The following GAA variants were observed in gnomAD, a reference collection of about 807,000 sequenced individuals.
GAA encodes lysosomal alpha-glucosidase.
In GAA, 88 loss-of-function variants were observed where a neutral mutation model predicts 103.9. The observed-to-expected ratio is 0.85, with a 90% CI of 0.71 to 1.01. The LOEUF (loss-of-function observed/expected upper bound fraction) is 1.01. Ranked by LOEUF, GAA falls within the 50% of genes least tolerant of loss-of-function variation. The probability of loss-of-function intolerance (pLI) is 0.00; values close to 1 mark genes in which losing one functional copy is unlikely to be tolerated. For missense variants in GAA, 1,350 were observed against 1,305.3 expected (o/e 1.03, Z -0.53); for synonymous variants, 572 against 563.1 (o/e 1.02, Z -0.22).
intron 2 of GAA, 49 bp from the exon 3 acceptor site, chr17:80,105,700 G>GA (rs1567826939): frequency 6.2e-7 from 1 of 1,605,972 alleles, no homozygotes; most frequent in African/African-American, 1.3e-5. Flanking sequence ...TTGTTCTCTG[G>GA]AGAGTAAGGT....
chr17:80,111,034 G>T lies in GAA; in HGVS notation c.1636+9G>T, dbSNP rs200302174. ...CCCACCCTACGTGCCTGGTCAGCTC[G>T]CCCCCCACCTACCCTGGGGACTTAA... On this transcript the variant is annotated intron_variant, in intron 11 of 19. Coordinates refer to ENST00000302262, the MANE Select transcript of GAA (RefSeq NM_000152.5). 1.2e-5 allele frequency: 19 copies of T among 1,612,636 alleles called. No homozygotes were observed. In the Admixed American group the frequency reaches 1.8e-4, roughly 16 times the overall value.
Position 80,113,031 on chromosome 17 carries a change from G to T in GAA, c.2040+4G>T. 6.2e-7 allele frequency: 1 copy of T among 1,608,302 alleles called. No homozygotes were observed. Among genetic ancestry groups the T allele is most frequent in the African/African-American group, 1.3e-5 (1 of 74,990 alleles). ...CCACAACAGCCTGCTCAGTCTGGTAGGGTGGGGGTGGCGGCATGGCAGGTG... is the reference window on the plus strand; with the variant it reads ...CCACAACAGCCTGCTCAGTCTGGTATGGTGGGGGTGGCGGCATGGCAGGTG... On this transcript the variant is annotated splice_donor_region_variant and intron_variant, in intron 14 of 19. Transcript: ENST00000302262.
intron 1 of GAA, among the ~76,000 whole-genome samples, chr17:80,102,996 T>C (rs889164273): frequency 1.3e-5 from 2 of 152,220 alleles, no homozygotes; most frequent in African/African-American, 4.8e-5. Context: ...ACACATTTAA[T>C]GTCAGAAGTG....
Position 80,105,863 on chromosome 17 carries a change from A to T in GAA, c.661A>T (p.Ile221Phe), listed in dbSNP as rs2039073140. The change falls in exon 3 of 20, where the codon ATC becomes TTC. Residue 221 changes from isoleucine to phenylalanine, a missense_variant. Physicochemically the swap from Ile to Phe is conservative, Grantham distance 21 (BLOSUM62 0). Coordinates refer to ENST00000302262, the MANE Select transcript of GAA (RefSeq NM_000152.5). Reference protein sequence around the residue: ...VEFSEEPFGVIVRRQLDGRVL... With the variant: ...VEFSEEPFGVFVRRQLDGRVL... ...GTTCTCCGAGGAGCCCTTCGGGGTG[A>T]TCGTGCGCCGGCAGCTGGACGGCCG... is the stretch of plus-strand genomic sequence containing the variant. 1 of 1,604,674 alleles carries T rather than the reference A, an allele frequency of 6.2e-7. No individual in the cohort carries two copies. The highest frequency in any genetic ancestry group is 8.5e-7 in the Non-Finnish European group (1 of 1,178,018).
intron 16 of GAA, 134 bp downstream of exon 16, chr17:80,117,243 C>T (rs369643126): frequency 3.2e-6 from 3 of 951,018 alleles, no homozygotes; most frequent in Non-Finnish European, 3.2e-6. Flanking sequence ...ATGTGCCAGG[C>T]CCCCACCCGG....
At chr17:80,117,556 G>C in intron 16 of GAA, 44 bp from the exon 17 acceptor site, 1 of 1,610,372 alleles carries the variant, frequency 6.2e-7, no homozygotes, top group Admixed American at 1.7e-5. Context: ...CAGCATGGGG[G>C]CCTCGGCACG....
intron 15 of GAA, among the ~76,000 whole-genome samples, chr17:80,113,882 G>C (rs2039305266): frequency 6.6e-6 from 1 of 151,890 alleles, no homozygotes; most frequent in African/African-American, 2.4e-5. Flanking sequence ...GCCGTGCATG[G>C]TGGTGGGCGC....
rs780928895 is a variant in GAA at position 80,108,699 on chromosome 17, CG to C, written c.1198del (p.Val400SerfsTer40). ...ACGGTCCCGTGTTGTGGCTGCAGGA[CG>C]TCCAGTGGAACGACCTGGACTACAT... is the stretch of plus-strand genomic sequence containing the variant. ...NMTRAHFPLDVQWNDLDYMDS... is the reference protein window; with the variant it reads ...NMTRAHFPLDXQWNDLDYMDS... On this transcript the variant is annotated frameshift_variant, in exon 8 of 20. Transcript: ENST00000302262. LOFTEE classifies it high-confidence loss of function. The C allele has an allele frequency of 1.9e-6, 3 of 1,612,704 alleles. No individual in the cohort carries two copies. Among genetic ancestry groups the C allele is most frequent in the Non-Finnish European group, 2.5e-6 (3 of 1,179,942 alleles).
At chr17:80,116,503 C>T (rs924591557) in intron 15 of GAA, among the ~76,000 whole-genome samples, 1 of 152,224 alleles carries the variant, frequency 6.6e-6, no homozygotes, top group Non-Finnish European at 1.5e-5. Context: ...GACGGAGAAT[C>T]CTCCGTAGAG....
chr17:80,117,480 G>T, intron 16 of GAA, 120 bp from the exon 17 acceptor site: 1 of 1,197,442 alleles, frequency 8.4e-7, no homozygotes, highest in Non-Finnish European at 1.2e-6. Flanking sequence ...AGTTCAGCCC[G>T]TCTGTGCCAG....
At chr17:80,115,538 C>A (rs758605878) in intron 15 of GAA, among the ~76,000 whole-genome samples, 4 of 152,160 alleles carry the variant, frequency 2.6e-5, no homozygotes, top group Non-Finnish European at 5.9e-5. Context: ...AAGTAGCTGA[C>A]GTAAACTCTT....
rs770668552 is a variant in GAA at position 80,108,441 on chromosome 17, C to A, written c.1075+32C>A. 10 of 1,613,114 alleles carry A rather than the reference C, an allele frequency of 6.2e-6. No individual in the cohort carries two copies. The Admixed American group carries it at 1.7e-4, about 27-fold the overall frequency. On this transcript the variant is annotated intron_variant, in intron 6 of 19. Coordinates refer to ENST00000302262, the MANE Select transcript of GAA (RefSeq NM_000152.5). ...CCTGCTCCCTGGCCGCGGCCCCCGC[C>A]CCAAGGCTCCCTCCTCCCTCCCTCA...
intron 10 of GAA, 47 bp downstream of exon 10, chr17:80,110,887 C>A (rs1399525552): frequency 6.2e-7 from 1 of 1,612,580 alleles, no homozygotes; most frequent in South Asian, 1.1e-5. Flanking sequence ...CTGGGGACTA[C>A]CCCACCCTCC....
chr17:80,112,239 C>G, intron 12 of GAA, 139 bp downstream of exon 12: 2 of 837,942 alleles, frequency 2.4e-6, no homozygotes, highest in Non-Finnish European at 3.9e-6. Context: ...AGTGCTCTCC[C>G]CACCCGCTGC....
In GAA at chr17:80,115,130, C is replaced by T. The variant is rs545915973; in HGVS notation, c.2189+1764C>T. On this transcript the variant is annotated intron_variant, in intron 15 of 19. Transcript: ENST00000302262. ...ATTGATGTTTTTCATCAAACTTGGG[C>T]GGTTTTTCAGCCATTACTTCATAAA... Among the ~76,000 whole-genome samples the T allele has an allele frequency of 6.4e-4, 98 of 152,112 alleles. 1 individual carries two copies. Among genetic ancestry groups the T allele is most frequent in the Middle Eastern group, 3.4e-3 (1 of 294 alleles).
chr17:80,118,587 C>T, intron 18 of GAA, 66 bp from the exon 19 acceptor site: 5 of 1,586,926 alleles, frequency 3.2e-6, no homozygotes, highest in Middle Eastern at 1.7e-4. Context: ...CATGGGTGTT[C>T]CTGCCCCAGC....
rs1452679393 is a variant in GAA, at chr17:80,112,985, C to T, written c.1998C>T (p.Ala666=). Residue 666 remains alanine (A), a synonymous_variant, in exon 14 of 20, where the codon GCC becomes GCT. Transcript: ENST00000302262. The stretch of plus-strand genomic sequence containing the variant: ...GTGTGCGCTGGACCCAGCTGGGGGC[C>T]TTCTACCCCTTCATGCGGAACCACA... ...ELCVRWTQLG[A]FYPFMRNHNS... The T allele has an allele frequency of 1.2e-6, 2 of 1,610,980 alleles. No homozygotes were observed. Among genetic ancestry groups the T allele is most frequent in the Non-Finnish European group, 1.7e-6 (2 of 1,179,204 alleles).
rs2304846 is a variant in GAA, at chr17:80,107,569, G to A, written c.705G>A (p.Thr235=). Residue 235 remains threonine (T), a synonymous_variant, in exon 4 of 20, where the codon ACG becomes ACA. Transcript: ENST00000302262. ...CTCTGTCCCGCAGGCTGAACACGAC[G>A]GTGGCGCCCCTGTTCTTTGCGGACC... The part of the protein sequence containing the change: ...QLDGRVLLNT[T]VAPLFFADQF... 1.4e-4 allele frequency: 229 copies of A among 1,613,064 alleles called. No homozygotes were observed. In the East Asian group the frequency reaches 4.7e-3, roughly 33 times the overall value.
Position 80,108,575 on chromosome 17 carries a change from G to A in GAA, c.1162G>A (p.Val388Met), listed in dbSNP as rs777770948. 2.5e-6 allele frequency: 4 copies of A among 1,612,790 alleles called. No homozygotes were observed. The South Asian group carries it at 4.4e-5, about 18-fold the overall frequency. The part of the protein sequence containing the change: ...YSSTAITRQV[V>M]ENMTRAHFPL... ...CTCCACCGCTATCACCCGCCAGGTG[G>A]TGGAGAACATGACCAGGGCCCACTT... The change falls in exon 7 of 20, where the codon GTG (valine) becomes ATG (methionine). Residue 388 changes from valine (V) to methionine (M), a missense_variant. Transcript: ENST00000302262.
Sources: gnomAD v4.1 joint callset for allele counts (sites outside exome capture counted in the v4.1 genomes callset) on GRCh38, gnomAD v4.1.1 for gene constraint, MANE v1.5 for transcripts, NCBI Gene and HGNC (gene_info 2026-07-23, HGNC 2026-07-21) for gene names.